Variants in KSR2 observed in about 807,000 individuals in gnomAD.
KSR2 encodes the protein kinase suppressor of ras 2.
Under a neutral mutation model 107.8 loss-of-function variants are expected in KSR2, and 25 were observed. The ratio of observed to expected loss-of-function variants is 0.23; its 90% CI spans 0.17 to 0.32. KSR2 has a LOEUF of 0.32. Ranked by LOEUF, KSR2 falls within the 10% of genes least tolerant of loss-of-function variation. The probability of loss-of-function intolerance (pLI) is 1.00; values close to 1 mark genes in which losing one functional copy is unlikely to be tolerated. For synonymous variants in KSR2, 480 were observed against 507.0 expected, an observed-to-expected ratio of 0.95 and a Z score of 0.71; for missense variants, 887 against 1,268.9, an observed-to-expected ratio of 0.70 and a Z score of 4.57.
rs572878384 is a variant in KSR2, at chr12:117,528,605, AG to A, written c.1803-1487del. 1.3e-4 allele frequency among the ~76,000 whole-genome samples: 20 copies of A among 152,326 alleles called. No individual in the cohort carries two copies. The South Asian group carries it at 3.9e-3, about 30-fold the overall frequency. ...AAGGAGAAAGAAAGGTCAACCACAAAGTGGCATTCGCCATGGTATTAACCAA... is the reference window on the plus strand; with the variant it reads ...AAGGAGAAAGAAAGGTCAACCACAAATGGCATTCGCCATGGTATTAACCAA... On this transcript the variant is annotated intron_variant, in intron 12 of 19. Coordinates refer to ENST00000339824, the MANE Select transcript of KSR2 (RefSeq NM_173598.6).
chr12:117,683,773 A>G (rs1324964326), intron 4 of KSR2, among the ~76,000 whole-genome samples: 2 of 152,238 alleles, frequency 1.3e-5, no homozygotes, highest in Non-Finnish European at 2.9e-5. Flanking sequence ...AAGGGAGAGG[A>G]AAGGAAAGAT....
intron 4 of KSR2, among the ~76,000 whole-genome samples, chr12:117,725,555 T>C (rs564395983): frequency 6.6e-6 from 1 of 152,198 alleles, no homozygotes; most frequent in East Asian, 1.9e-4. Context: ...AATAAACCTA[T>C]CACAAAAGCT....
In KSR2 at chr12:117,660,628, G is replaced by A. The variant is rs375240539; in HGVS notation, c.1171+6846C>T. On this transcript the variant is annotated intron_variant, in intron 5 of 19. Transcript: ENST00000339824. ...GCACATCCACAGGTGTGTGGGGTAG[G>A]ATTTGGGCACATCTTTTTGAGGCCA... Among the ~76,000 whole-genome samples, 68 of 152,248 alleles carry A rather than the reference G, an allele frequency of 4.5e-4. 1 individual carries two copies. The East Asian group carries it at 7.9e-3, about 18-fold the overall frequency.
At chr12:117,699,348 A>G (rs1044468020) in intron 4 of KSR2, among the ~76,000 whole-genome samples, 1 of 152,228 alleles carries the variant, frequency 6.6e-6, no homozygotes, top group Admixed American at 6.5e-5. Flanking sequence ...GCAGCCCAAT[A>G]AAGTACTCAT....
rs556015060 is a variant in KSR2, at chr12:117,891,803, AC to A, written c.181-31373del. Among the ~76,000 whole-genome samples the A allele has an allele frequency of 6.8e-4, 104 of 152,156 alleles. No homozygotes were observed. The East Asian group carries it at 0.016, about 23-fold the overall frequency. On this transcript the variant is annotated intron_variant, in intron 1 of 19. Coordinates refer to ENST00000339824, the MANE Select transcript of KSR2 (RefSeq NM_173598.6). ...GGAGTTCAAGACCAGTCTGGGCAAC[AC>A]AGGGAGACCCTGTCTCTACAAAAAC...
At chr12:117,616,176 C>T (rs577616667) in intron 5 of KSR2, among the ~76,000 whole-genome samples, 3 of 114,284 alleles carry the variant, frequency 2.6e-5, no homozygotes, top group East Asian at 3.3e-4. Context: ...AAAAAAAAAA[C>T]AGATTTTAAA....
chr12:117,474,664 T>G (rs1326785767), intron 17 of KSR2, among the ~76,000 whole-genome samples: 1 of 152,202 alleles, frequency 6.6e-6, no homozygotes, highest in Non-Finnish European at 1.5e-5. Flanking sequence ...CACTCTTCCC[T>G]GCATCCTGGC....
intron 4 of KSR2, among the ~76,000 whole-genome samples, chr12:117,678,284 G>T (rs1405018562): frequency 1.3e-5 from 2 of 151,918 alleles, no homozygotes; most frequent in African/African-American, 4.8e-5. Context: ...GTCCAGATCC[G>T]GAGCCCAGGC....
chr12:117,835,163 C>A (rs1892149181), intron 3 of KSR2, among the ~76,000 whole-genome samples: 1 of 152,206 alleles, frequency 6.6e-6, no homozygotes, highest in African/African-American at 2.4e-5. Context: ...AAGTCAGGGG[C>A]AGAGCCAGAA....
intron 10 of KSR2, among the ~76,000 whole-genome samples, chr12:117,537,832 G>A (rs930547333): frequency 4.6e-5 from 7 of 152,198 alleles, no homozygotes; most frequent in Non-Finnish European, 1.0e-4. Context: ...AGGGAAGGAA[G>A]GAGCTAAGGG....
At chr12:117,763,016 A>G (rs1459296622) in intron 3 of KSR2, among the ~76,000 whole-genome samples, 1 of 152,000 alleles carries the variant, frequency 6.6e-6, no homozygotes, top group Non-Finnish European at 1.5e-5. Flanking sequence ...CATTAGGTAT[A>G]TCTCCTAATG....
intron 3 of KSR2, among the ~76,000 whole-genome samples, chr12:117,772,107 C>T (rs1369289064): frequency 6.7e-6 from 1 of 149,816 alleles, no homozygotes; most frequent in African/African-American, 2.5e-5. Context: ...CACATACACA[C>T]CTTTCCCCCA....
chr12:117,591,834 T>C (rs1880338663), intron 5 of KSR2, among the ~76,000 whole-genome samples: 1 of 151,902 alleles, frequency 6.6e-6, no homozygotes, highest in South Asian at 2.1e-4. Flanking sequence ...CAAAACTCCA[T>C]CTCTACTAAA....
At chr12:117,633,889 C>G (rs1882926079) in intron 5 of KSR2, among the ~76,000 whole-genome samples, 2 of 152,218 alleles carry the variant, frequency 1.3e-5, no homozygotes, top group South Asian at 4.2e-4. Flanking sequence ...CCAGACATGC[C>G]CCAGTGTGGG....
intron 5 of KSR2, among the ~76,000 whole-genome samples, chr12:117,623,074 C>T (rs900890743): frequency 7.2e-5 from 11 of 152,342 alleles, no homozygotes; most frequent in African/African-American, 2.6e-4. Flanking sequence ...AGCTACCCCA[C>T]CTCTTTGAGC....
At chr12:117,687,837 T>C (rs924172503) in intron 4 of KSR2, among the ~76,000 whole-genome samples, 1 of 152,064 alleles carries the variant, frequency 6.6e-6, no homozygotes, top group African/African-American at 2.4e-5. Context: ...TGAAGCTCAA[T>C]CTAGTAGTGG....
intron 5 of KSR2, among the ~76,000 whole-genome samples, chr12:117,623,131 G>T (rs1378565644): frequency 6.6e-6 from 1 of 152,150 alleles, no homozygotes; most frequent in Non-Finnish European, 1.5e-5. Context: ...TTGATAATGT[G>T]CTTCGCACAT....
intron 9 of KSR2, among the ~76,000 whole-genome samples, chr12:117,547,518 C>T (rs1255057651): frequency 6.6e-6 from 1 of 152,040 alleles, no homozygotes; most frequent in Non-Finnish European, 1.5e-5. Flanking sequence ...CTAACACCAG[C>T]CTGGCAGGAG....
intron 1 of KSR2, among the ~76,000 whole-genome samples, chr12:117,882,406 T>C (rs1238282220): frequency 6.6e-6 from 1 of 152,214 alleles, no homozygotes; most frequent in East Asian, 1.9e-4. Context: ...ATGAGTCACA[T>C]TTGGATAGGA....
Sources: allele counts gnomAD v4.1 joint callset (sites outside exome capture counted in the v4.1 genomes callset), GRCh38; gene constraint gnomAD v4.1.1; transcripts MANE v1.5; gene names NCBI Gene and HGNC (gene_info 2026-07-23, HGNC 2026-07-21).